The following GTF2E1 variants were observed in gnomAD, a reference collection of about 807,000 sequenced individuals.
GTF2E1 encodes general transcription factor IIE subunit 1, also known as TFIIE alpha subunit.
GTF2E1 carries 14 observed loss-of-function variants against 34.9 expected under a neutral mutation model. That is an observed-to-expected ratio of 0.40 (90% confidence interval 0.27 to 0.63). GTF2E1 has a LOEUF of 0.63. Ranked by LOEUF, GTF2E1 falls within the 20% of genes least tolerant of loss-of-function variation. The probability of loss-of-function intolerance (pLI) is 0.39; values close to 1 mark genes in which losing one functional copy is unlikely to be tolerated. For missense variants in GTF2E1, 469 were observed against 557.7 expected, an observed-to-expected ratio of 0.84 and a Z score of 1.60; for synonymous variants, 188 against 192.9, an observed-to-expected ratio of 0.97 and a Z score of 0.21.
chr3:120,762,228 G>T (rs1255637789), intron 2 of GTF2E1, among the ~76,000 whole-genome samples: 1 of 152,136 alleles, frequency 6.6e-6, no homozygotes, highest in Non-Finnish European at 1.5e-5. Flanking sequence ...TGTCTGTTAG[G>T]TCCGCTTGGT....
chr3:120,772,713 T>C (rs773389791), intron 3 of GTF2E1, among the ~76,000 whole-genome samples: 1 of 152,158 alleles, frequency 6.6e-6, no homozygotes, highest in African/African-American at 2.4e-5. Context: ...ATTATTCTGA[T>C]GTTTCCTCTC....
At chr3:120,768,101 A>G (rs928556858) in intron 2 of GTF2E1, among the ~76,000 whole-genome samples, 1 of 152,162 alleles carries the variant, frequency 6.6e-6, no homozygotes, top group Non-Finnish European at 1.5e-5. Context: ...TTCGGGTATA[A>G]CATGACTTTT....
chr3:120,747,362 A>G (rs1045590346), intron 1 of GTF2E1, among the ~76,000 whole-genome samples: 6 of 151,878 alleles, frequency 4.0e-5, no homozygotes, highest in Non-Finnish European at 8.8e-5. Flanking sequence ...TCGTAATTTA[A>G]CATTAGGTAT....
At chr3:120,763,118 C>CAT (rs1378347326) in intron 2 of GTF2E1, among the ~76,000 whole-genome samples, 3 of 152,098 alleles carry the variant, frequency 2.0e-5, no homozygotes, top group South Asian at 2.1e-4. Context: ...CTACCTTCCG[C>CAT]ATATATATAT....
rs191214247 is a variant in GTF2E1 at position 120,747,154 on chromosome 3, A to G, written c.-30-3369A>G. Among the ~76,000 whole-genome samples the G allele has an allele frequency of 1.6e-3, 238 of 151,596 alleles. 1 individual carries two copies. The highest frequency in any genetic ancestry group is 5.2e-3 in the African/African-American group (217 of 41,388). On this transcript the variant is annotated intron_variant, in intron 1 of 4. Coordinates refer to ENST00000283875, the MANE Select transcript of GTF2E1 (RefSeq NM_005513.3). ...GTTTCGCTCTTGTTGCCCAGGCTGG[A>G]GTGCAATGGTGTAATCTTGGCTCAC... is the stretch of plus-strand genomic sequence containing the variant.
intron 4 of GTF2E1, among the ~76,000 whole-genome samples, chr3:120,780,415 A>T (rs1019405324): frequency 6.6e-6 from 1 of 152,202 alleles, no homozygotes; most frequent in Non-Finnish European, 1.5e-5. Context: ...CCTAAAGGAA[A>T]AATATTCCAG....
rs562459690 is a variant in GTF2E1 at position 120,777,247 on chromosome 3, G to A, written c.892+583G>A. On this transcript the variant is annotated intron_variant, in intron 4 of 4. Coordinates refer to ENST00000283875, the MANE Select transcript of GTF2E1 (RefSeq NM_005513.3). ...ATCTTCGGAAGTTAGAGAACTGCAA[G>A]ATTTTACTTTCTAAGTTTTAGTCTA... Among the ~76,000 whole-genome samples the A allele has an allele frequency of 9.2e-5, 14 of 152,312 alleles. No individual in the cohort carries two copies. The South Asian group carries it at 2.5e-3, about 27-fold the overall frequency.
At position 120,781,649 on chromosome 3, in the gene GTF2E1, G is replaced by C. The variant is rs1462703064; in HGVS notation, c.*179G>C. On this transcript the variant is annotated 3_prime_UTR_variant, in exon 5 of 5. Transcript: ENST00000283875. ...TGCCAGAAACTTTCCCAGCAAGGTA[G>C]GGTGCTGAGAATCCTACCCTTCCTT... 3.4e-6 allele frequency: 2 copies of C among 596,168 alleles called. No individual in the cohort carries two copies. Among genetic ancestry groups the C allele is most frequent in the Admixed American group, 3.0e-5 (1 of 33,688 alleles). 36.9% of individuals were successfully genotyped at this position (596,168 alleles called of 1,614,324 possible).
At position 120,770,985 on chromosome 3, in the gene GTF2E1, A is replaced by G; in HGVS notation, c.650+56A>G. Reference sequence around the variant, plus strand: ...ACACATTTCAACCTGTTCTTGTTTTAACTACCTGTACCTTGGAGAACAAGA... The same window carrying G: ...ACACATTTCAACCTGTTCTTGTTTTGACTACCTGTACCTTGGAGAACAAGA... On this transcript the variant is annotated intron_variant, in intron 3 of 4. Transcript: ENST00000283875. 6 of 1,377,828 alleles carry G rather than the reference A, an allele frequency of 4.4e-6. No homozygotes were observed. The South Asian group carries it at 5.8e-5, about 13-fold the overall frequency. 85.4% of individuals were successfully genotyped at this position (1,377,828 alleles called of 1,614,324 possible).
chr3:120,766,696 A>G (rs552642874), intron 2 of GTF2E1, among the ~76,000 whole-genome samples: 7 of 152,162 alleles, frequency 4.6e-5, no homozygotes, highest in African/African-American at 1.7e-4. Flanking sequence ...TTGAACTCCA[A>G]AACATTTATG....
intron 1 of GTF2E1, among the ~76,000 whole-genome samples, chr3:120,748,208 C>T (rs1230742502): frequency 2.0e-5 from 3 of 152,236 alleles, no homozygotes; most frequent in African/African-American, 7.2e-5. Context: ...GTTGCCTGTT[C>T]ACTCTGATGG....
chr3:120,773,075 G>T (rs1709366126), intron 3 of GTF2E1, among the ~76,000 whole-genome samples: 1 of 152,110 alleles, frequency 6.6e-6, no homozygotes, highest in Admixed American at 6.6e-5. Flanking sequence ...GGAAATGGAG[G>T]CAGACAAGAA....
intron 2 of GTF2E1, among the ~76,000 whole-genome samples, chr3:120,755,087 A>AT (rs1189243930): frequency 6.6e-6 from 1 of 152,202 alleles, no homozygotes; most frequent in African/African-American, 2.4e-5. Context: ...TAGTATTAGC[A>AT]TAAAGAAGTC....
chr3:120,762,814 T>C (rs1468091281), intron 2 of GTF2E1, among the ~76,000 whole-genome samples: 1 of 152,240 alleles, frequency 6.6e-6, no homozygotes, highest in African/African-American at 2.4e-5. Context: ...ACGTTCATCC[T>C]ATTCTATACC....
chr3:120,776,587 A>T lies in GTF2E1; in HGVS notation c.815A>T (p.Lys272Ile). 6.2e-7 allele frequency: 1 copy of T among 1,613,758 alleles called. No individual in the cohort carries two copies. Among genetic ancestry groups the T allele is most frequent in the East Asian group, 2.2e-5 (1 of 44,868 alleles). Residue 272 changes from lysine to isoleucine, a missense_variant, in exon 4 of 5, where the codon AAA becomes ATA. Lys to Ile is a moderately radical substitution (Grantham distance 102, BLOSUM62 -3). Coordinates refer to ENST00000283875, the MANE Select transcript of GTF2E1 (RefSeq NM_005513.3). Reference sequence around the variant, plus strand: ...CTTCATCGAGCCTCACTGGAAGGGAAATCTGCCAAAGAGAGGCCTATTTGG... The same window carrying T: ...CTTCATCGAGCCTCACTGGAAGGGATATCTGCCAAAGAGAGGCCTATTTGG... ...EDLHRASLEG[K>I]SAKERPIWLR...
Position 120,770,711 on chromosome 3 carries a change from A to G in GTF2E1, c.449-17A>G, listed in dbSNP as rs1403714114. 6.3e-7 allele frequency: 1 copy of G among 1,592,124 alleles called. No homozygotes were observed. Among genetic ancestry groups the G allele is most frequent in the Admixed American group, 1.7e-5 (1 of 59,898 alleles). On this transcript the variant is annotated splice_polypyrimidine_tract_variant and intron_variant, in intron 2 of 4. Coordinates refer to ENST00000283875, the MANE Select transcript of GTF2E1 (RefSeq NM_005513.3). Reference sequence around the variant, plus strand: ...TAAAGTCTTCTCTCTGACCTGAGATACTTGTTTTCTCTGTAGGAACTTTCC... The same window carrying G: ...TAAAGTCTTCTCTCTGACCTGAGATGCTTGTTTTCTCTGTAGGAACTTTCC...
intron 1 of GTF2E1, chr3:120,749,964 G>C (rs1709148398): frequency 6.6e-6 from 1 of 152,216 alleles, no homozygotes; most frequent in Admixed American, 6.5e-5. Context: ...TGGTAAAACT[G>C]TCTGGATCTA....
intron 2 of GTF2E1, among the ~76,000 whole-genome samples, chr3:120,760,735 T>A (rs924301822): frequency 2.6e-5 from 4 of 152,200 alleles, no homozygotes; most frequent in Non-Finnish European, 5.9e-5. Context: ...ATTTATTGAT[T>A]TGCATATGTT....
At chr3:120,775,120 A>C (rs1709388043) in intron 3 of GTF2E1, among the ~76,000 whole-genome samples, 1 of 152,282 alleles carries the variant, frequency 6.6e-6, no homozygotes, top group Non-Finnish European at 1.5e-5. Context: ...AGAAAACCCC[A>C]GTAGATAAGA....
Sources: gnomAD v4.1 joint callset for allele counts (sites outside exome capture counted in the v4.1 genomes callset) on GRCh38, gnomAD v4.1.1 for gene constraint, MANE v1.5 for transcripts, NCBI Gene and HGNC (gene_info 2026-07-23, HGNC 2026-07-21) for gene names.